MYO19: variants seen among roughly 807,000 people sequenced by gnomAD.
The protein encoded by MYO19 is myosin XIX, also known as unconventional myosin-XIX.
A neutral mutation model predicts 129.2 loss-of-function variants in MYO19; 132 were observed. That is an observed-to-expected ratio of 1.02 (90% CI 0.89 to 1.18). The LOEUF (loss-of-function observed/expected upper bound fraction) is 1.18. MYO19 is among the 50% of genes most tolerant of loss of function. The pLI is 0.00. For missense variants in MYO19, 1,210 were observed against 1,216.7 expected (o/e 0.99, Z 0.08); for synonymous variants, 531 against 477.2 (o/e 1.11, Z -1.47).
exon 1 of MYO19, chr17:36,543,406 C>T (rs1180340840): frequency 6.6e-6 from 1 of 152,172 alleles, no homozygotes; most frequent in Admixed American, 6.6e-5. Flanking sequence ...CCACCCACCT[C>T]GCCTCCTAAA....
chr17:36,540,632 A>C (rs1380271970), intron 2 of MYO19, among the ~76,000 whole-genome samples: 3 of 152,166 alleles, frequency 2.0e-5, no homozygotes, highest in Non-Finnish European at 2.9e-5. Flanking sequence ...TGGTCTCCCA[A>C]AGTGCTGGGA....
chr17:36,539,716 A>C (rs1159271630), upstream of MYO19, among the ~76,000 whole-genome samples: 2 of 152,214 alleles, frequency 1.3e-5, no homozygotes, highest in African/African-American at 4.8e-5. Context: ...ACCCTATGCT[A>C]GGGATTTAAG....
In MYO19 at chr17:36,513,665, A is replaced by T; in HGVS notation, c.781T>A (p.Phe261Ile). 1 of 1,613,990 alleles carries T rather than the reference A, an allele frequency of 6.2e-7. No individual in the cohort carries two copies. The highest frequency in any genetic ancestry group is 1.1e-5 in the South Asian group (1 of 91,078). ...LQWHLPEGAA[F>I]SWLPNPERSL... Reference sequence around the variant, plus strand: ...CTCTCTGGGTTGGGCAGCCAGGAGAAGGCAGCTCCCTCAGGAAGGTGCCAC... The same window carrying T: ...CTCTCTGGGTTGGGCAGCCAGGAGATGGCAGCTCCCTCAGGAAGGTGCCAC... Residue 261 changes from phenylalanine (F) to isoleucine (I), a missense_variant, in exon 10 of 26, where the codon TTC becomes ATC. Phe to Ile is a conservative substitution (Grantham distance 21). Transcript: ENST00000614623.
upstream of MYO19, chr17:36,537,384 T>C (rs2074156523): frequency 6.2e-7 from 1 of 1,614,040 alleles, no homozygotes; most frequent in South Asian, 1.1e-5. Context: ...AGGGCTGTTG[T>C]ATCAAATATA....
At position 36,510,817 on chromosome 17, in the gene MYO19, C is replaced by T. The variant is rs1318319861; in HGVS notation, c.1086G>A (p.Val362=). Reference sequence around the variant, plus strand: ...CGGCTCGGGCGCAGGGCTTCCGGAACACCTGCTGCTGTCTGCCTGCCCTGA... The same window carrying T: ...CGGCTCGGGCGCAGGGCTTCCGGAATACCTGCTGCTGTCTGCCTGCCCTGA... The part of the protein sequence containing the change: ...RTIRAGRQQQ[V]FRKPCARAEC... Residue 362 remains valine, a synonymous_variant, in exon 13 of 26, where the codon GTG becomes GTA. Coordinates refer to ENST00000614623, the MANE Select transcript of MYO19 (RefSeq NM_001163735.2). 6.3e-7 allele frequency: 1 copy of T among 1,593,398 alleles called. No homozygotes were observed. The highest frequency in any genetic ancestry group is 1.3e-5 in the African/African-American group (1 of 74,484).
upstream of MYO19, chr17:36,538,758 TTA>T: frequency 3.9e-6 from 3 of 762,026 alleles, no homozygotes; most frequent in South Asian, 2.2e-5. Flanking sequence ...TGATGCTTAA[TTA>T]TTTTTTTTTT....
rs1274303496 is a variant in MYO19 at position 36,528,218 on chromosome 17, T to G, written c.13-16A>C. 8 of 1,557,822 alleles carry G rather than the reference T, an allele frequency of 5.1e-6. No individual in the cohort carries two copies. The highest frequency in any genetic ancestry group is 6.1e-6 in the Non-Finnish European group (7 of 1,150,418). ...GGCCATTGACCTGGAAGAGATAACG[T>G]GAAGGTGAGGCCAGGCACAGTGGCT... On this transcript the variant is annotated splice_polypyrimidine_tract_variant and intron_variant, in intron 3 of 25. Coordinates refer to ENST00000614623, the MANE Select transcript of MYO19 (RefSeq NM_001163735.2).
At chr17:36,529,261 G>A (rs890821941) in intron 3 of MYO19, among the ~76,000 whole-genome samples, 1 of 152,056 alleles carries the variant, frequency 6.6e-6, no homozygotes, top group Non-Finnish European at 1.5e-5. Flanking sequence ...CTGAGCTCAA[G>A]TGATCCTTCT....
At chr17:36,499,588 ACT>A (rs2071320091) in intron 23 of MYO19, 1 of 150,248 alleles carries the variant, frequency 6.7e-6, no homozygotes. Context: ...ATACCCAAAC[ACT>A]GATACAATTA....
chr17:36,500,860 G>A lies in MYO19; in HGVS notation c.2347C>T (p.Gln783Ter). The A allele has an allele frequency of 6.2e-7, 1 of 1,604,378 alleles. No homozygotes were observed. Among genetic ancestry groups the A allele is most frequent in the Non-Finnish European group, 8.5e-7 (1 of 1,179,092 alleles). The change falls in exon 23 of 26, where the codon CAG becomes TAG. Residue 783 changes from glutamine (Q) to a stop codon, truncating the protein, a stop_gained. Coordinates refer to ENST00000614623, the MANE Select transcript of MYO19 (RefSeq NM_001163735.2). LOFTEE classifies it high-confidence loss of function. ...TGGATGAGCATGACGGCCCGCCACT[G>A]CCGCTCCTGCTCTCGGTGCCGGTGT... ...RRHRHREQER[Q>*]WRAVMLIQAA...
At chr17:36,541,532 A>G (rs2142632970) in intron 2 of MYO19, among the ~76,000 whole-genome samples, 1 of 152,296 alleles carries the variant, frequency 6.6e-6, no homozygotes, top group Admixed American at 6.5e-5. Flanking sequence ...AGCGTCTCAC[A>G]CATTTGGACC....
intron 25 of MYO19, 75 bp downstream of exon 25, chr17:36,498,191 C>T (rs1365264646): frequency 6.6e-7 from 1 of 1,512,798 alleles, no homozygotes; most frequent in East Asian, 2.3e-5. Flanking sequence ...CAGTCTCATT[C>T]CCGCTGTGAA....
chr17:36,516,586 G>T (rs1012582682), intron 6 of MYO19, among the ~76,000 whole-genome samples: 2 of 152,078 alleles, frequency 1.3e-5, no homozygotes, highest in Non-Finnish European at 2.9e-5. Context: ...TGGTGAGTCT[G>T]GTCTTGAGCT....
rs981087836 is a variant in MYO19 at position 36,534,100 on chromosome 17, G to C, written c.-291C>G. ...AGCCAAGAATTTCTGGAAAGGGTGT[G>C]AACACTGTGGGCAGAAAGGAGACGG... is the stretch of plus-strand genomic sequence containing the variant. On this transcript the variant is annotated 5_prime_UTR_variant, in exon 2 of 26. Transcript: ENST00000614623. 2 of 152,328 alleles carry C rather than the reference G, an allele frequency of 1.3e-5. No individual in the cohort carries two copies. The highest frequency in any genetic ancestry group is 2.9e-5 in the Non-Finnish European group (2 of 68,126). 9.4% of individuals were successfully genotyped at this position (152,328 alleles called of 1,614,324 possible). A position where few individuals can be genotyped will look rare whatever the true frequency, so the allele number is the denominator to read the frequency against.
intron 3 of MYO19, among the ~76,000 whole-genome samples, chr17:36,532,008 A>T (rs2142490315): frequency 6.6e-6 from 1 of 152,340 alleles, no homozygotes; most frequent in Non-Finnish European, 1.5e-5. Flanking sequence ...GGGCAACAGT[A>T]GCCTTTTCAG....
intron 5 of MYO19, among the ~76,000 whole-genome samples, chr17:36,525,987 T>A (rs1429343406): frequency 6.6e-6 from 1 of 152,152 alleles, no homozygotes; most frequent in African/African-American, 2.4e-5. Flanking sequence ...GGATACCTCA[T>A]CACGCATGAA....
intron 8 of MYO19, 122 bp downstream of exon 8, chr17:36,514,991 G>C: frequency 1.3e-6 from 1 of 775,124 alleles, no homozygotes; most frequent in East Asian, 2.8e-5. Flanking sequence ...TGAGGTAAAG[G>C]GCATGCACCA....
chr17:36,507,298 C>G, intron 16 of MYO19, 101 bp downstream of exon 16: 1 of 1,430,102 alleles, frequency 7.0e-7, no homozygotes, highest in South Asian at 1.2e-5. Context: ...ATTTGGCAGA[C>G]TGGGAGGAGA....
chr17:36,502,954 G>C, intron 21 of MYO19, 143 bp downstream of exon 21: 1 of 693,050 alleles, frequency 1.4e-6, no homozygotes, highest in Admixed American at 2.6e-5. Context: ...TGTCTTTTTT[G>C]AATCTGTTTC....
Sources: allele counts gnomAD v4.1 joint callset (sites outside exome capture counted in the v4.1 genomes callset), GRCh38; gene constraint gnomAD v4.1.1; transcripts MANE v1.5; gene names NCBI Gene and HGNC (gene_info 2026-07-23, HGNC 2026-07-21).